Variants in GTF3C3 observed in about 807,000 individuals in gnomAD.
The protein encoded by GTF3C3 is general transcription factor 3C polypeptide 3.
In GTF3C3, 75 loss-of-function variants were observed where a neutral mutation model predicts 105.2. That is an observed-to-expected ratio of 0.71 (90% CI 0.59 to 0.86). The LOEUF (loss-of-function observed/expected upper bound fraction) is 0.86. Ranked by LOEUF, GTF3C3 falls within the 40% of genes least tolerant of loss-of-function variation. GTF3C3 has a pLI of 0.00. For missense variants in GTF3C3, 856 were observed against 1,076.5 expected, an observed-to-expected ratio of 0.80 and a Z score of 2.87; for synonymous variants, 335 against 370.4, an observed-to-expected ratio of 0.90 and a Z score of 1.10.
Position 196,776,370 on chromosome 2 carries a change from G to A in GTF3C3, c.1593+57C>T, listed in dbSNP as rs528171177. 18 of 1,404,626 alleles carry A rather than the reference G, an allele frequency of 1.3e-5. No homozygotes were observed. In the African/African-American group the frequency reaches 2.0e-4, roughly 16 times the overall value. The allele number at this position is 1,404,626 out of a possible 1,614,324, so 87.0% of individuals were successfully genotyped here. On this transcript the variant is annotated intron_variant, in intron 11 of 17. Transcript: ENST00000263956. This position sits in a 1 kb window ranked among gnomAD's most constrained non-coding sequence, Gnocchi z 4.5. ...CTATAGAGACATCCTTAATGGAGGAGAAAGTTCTAAAATATAATATACCAA... is the reference window on the plus strand; with the variant it reads ...CTATAGAGACATCCTTAATGGAGGAAAAAGTTCTAAAATATAATATACCAA...
intron 3 of GTF3C3, 83 bp from the exon 4 acceptor site, chr2:196,791,543 T>C: frequency 8.1e-7 from 1 of 1,230,086 alleles, no homozygotes; most frequent in Non-Finnish European, 1.1e-6. Context: ...AAATATAGCA[T>C]ATAATGAAAC....
At position 196,799,513 on chromosome 2, in the gene GTF3C3, C is replaced by T; in HGVS notation, c.99G>A (p.Lys33=). ...RRREERKTRE[K]KSLQEKGKLS... ...CCGTGGCCTAGCATCGCCTCACTTT[C>T]TTCTCGCGGGTTTTTCTCTCTTCTC... Residue 33 remains lysine (K), a synonymous_variant, in exon 1 of 18, where the codon AAG becomes AAA. Transcript: ENST00000263956. 2 of 1,613,438 alleles carry T rather than the reference C, an allele frequency of 1.2e-6. No homozygotes were observed. Among genetic ancestry groups the T allele is most frequent in the African/African-American group, 1.3e-5 (1 of 75,038 alleles).
rs1422396785 is a variant in GTF3C3, at chr2:196,785,459, C to G, written c.1023G>C (p.Gln341His). The G allele has an allele frequency of 6.2e-7, 1 of 1,605,494 alleles. No homozygotes were observed. The highest frequency in any genetic ancestry group is 1.3e-5 in the African/African-American group (1 of 74,632). Reference sequence around the variant, plus strand: ...TTCCTACCTCCAAAGCTTTGTCATACTGTTTGTTAGAAATATATAGTTCAG... The same window carrying G: ...TTCCTACCTCCAAAGCTTTGTCATAGTGTTTGTTAGAAATATATAGTTCAG... ...IAAELYISNK[Q>H]YDKALEIITD... The change falls in exon 7 of 18, where the codon CAG (glutamine) becomes CAC (histidine). Residue 341 changes from glutamine (Q) to histidine (H), a missense_variant. Gln to His is a conservative substitution (Grantham distance 24). This residue lies in a region of GTF3C3 where 605 missense variants were observed against 833.6 expected (regional missense o/e 0.73). Coordinates refer to ENST00000263956, the MANE Select transcript of GTF3C3 (RefSeq NM_012086.5).
chr2:196,781,355 A>ATATATATTATATATATATAT (rs1442698575), intron 8 of GTF3C3, among the ~76,000 whole-genome samples: 28 of 31,192 alleles, frequency 9.0e-4, no homozygotes, highest in Non-Finnish European at 1.5e-3. Context: ...AAAAAAAAAA[A>ATATATATTATATATATATAT]AAATATATAT....
At chr2:196,783,470 C>G (rs1053455595) in intron 8 of GTF3C3, among the ~76,000 whole-genome samples, 1 of 152,130 alleles carries the variant, frequency 6.6e-6, no homozygotes, top group Non-Finnish European at 1.5e-5. Context: ...GGCCTTGGCT[C>G]GTGCCTAAGC....
intron 5 of GTF3C3, among the ~76,000 whole-genome samples, chr2:196,789,618 C>G (rs924826685): frequency 6.6e-6 from 1 of 152,154 alleles, no homozygotes; most frequent in African/African-American, 2.4e-5. Context: ...CAAGGAACAG[C>G]TTAGAACCAA....
chr2:196,779,124 C>A, intron 9 of GTF3C3, 57 bp from the exon 10 acceptor site: 25 of 1,264,062 alleles, frequency 2.0e-5, no homozygotes, highest in Middle Eastern at 2.3e-4. Flanking sequence ...GCACATCTAT[C>A]TATAGCTTTT....
At chr2:196,788,155 T>G (rs1699484047) in intron 6 of GTF3C3, among the ~76,000 whole-genome samples, 1 of 152,240 alleles carries the variant, frequency 6.6e-6, no homozygotes, top group Non-Finnish European at 1.5e-5. Flanking sequence ...TAGGGTTGCC[T>G]TGCCTCAACA....
Position 196,776,197 on chromosome 2 carries a change from AC to A in GTF3C3, c.1594-87del. On this transcript the variant is annotated intron_variant, in intron 11 of 17. Coordinates refer to ENST00000263956, the MANE Select transcript of GTF3C3 (RefSeq NM_012086.5). The surrounding 1 kb of genome is among the most constrained non-coding windows in gnomAD (Gnocchi z 4.5). Reference sequence around the variant, plus strand: ...TTTGCATAGAAACATTTTTAAAAAAACAAACCATATTGCTTTATGGTCTTTC... The same window carrying A: ...TTTGCATAGAAACATTTTTAAAAAAAAAACCATATTGCTTTATGGTCTTTC... The A allele has an allele frequency of 1.2e-6, 1 of 804,352 alleles. No individual in the cohort carries two copies. The highest frequency in any genetic ancestry group is 1.9e-5 in the South Asian group (1 of 52,078). 49.8% of individuals were successfully genotyped at this position (804,352 alleles called of 1,614,324 possible). A position where few individuals can be genotyped will look rare whatever the true frequency, so the allele number is the denominator to read the frequency against.
chr2:196,771,144 G>A (rs1699168025), intron 15 of GTF3C3, among the ~76,000 whole-genome samples: 1 of 152,076 alleles, frequency 6.6e-6, no homozygotes, highest in Non-Finnish European at 1.5e-5. Context: ...GACTCTGCAA[G>A]TAATACTTGT....
intron 15 of GTF3C3, among the ~76,000 whole-genome samples, chr2:196,770,557 T>TC (rs1336080117): frequency 2.0e-5 from 3 of 152,214 alleles, no homozygotes; most frequent in Non-Finnish European, 4.4e-5. Context: ...GCTAAATGTA[T>TC]CCAATAACAG....
At chr2:196,781,896 C>G (rs1699372396) in intron 8 of GTF3C3, among the ~76,000 whole-genome samples, 1 of 152,196 alleles carries the variant, frequency 6.6e-6, no homozygotes, top group Non-Finnish European at 1.5e-5. Flanking sequence ...CTTCTGTAGA[C>G]AGTAGCTAAA....
At chr2:196,783,605 C>CA (rs1374596484) in intron 8 of GTF3C3, among the ~76,000 whole-genome samples, 1 of 152,154 alleles carries the variant, frequency 6.6e-6, no homozygotes, top group Non-Finnish European at 1.5e-5. Flanking sequence ...ACAGCCCCAA[C>CA]CACAGCCTGT....
chr2:196,793,979 A>G (rs944188186), intron 2 of GTF3C3, among the ~76,000 whole-genome samples: 3 of 152,126 alleles, frequency 2.0e-5, no homozygotes, highest in Non-Finnish European at 2.9e-5. Flanking sequence ...TTAATCCCCA[A>G]TGTGCGAATA....
intron 3 of GTF3C3, among the ~76,000 whole-genome samples, 183 bp downstream of exon 3, chr2:196,792,773 G>T (rs895539799): frequency 6.6e-6 from 1 of 151,942 alleles, no homozygotes; most frequent in African/African-American, 2.4e-5. Context: ...CACCATGCCC[G>T]GCTATAATTA....
chr2:196,766,576 G>C lies in GTF3C3; in HGVS notation c.2527C>G (p.Leu843Val), dbSNP rs749422263. The part of the protein sequence containing the change: ...YYQKALELPP[L>V]VVEGIELDQL... The stretch of plus-strand genomic sequence containing the variant: ...AAAATGCACAATACCTCTACCACAA[G>C]TGGAGGGAGCTCCAGGGCCTTCTGA... The change falls in exon 17 of 18, where the codon CTT becomes GTT. Residue 843 changes from leucine (L) to valine (V), a missense_variant. Leu to Val is a conservative substitution (Grantham distance 32). Coordinates refer to ENST00000263956, the MANE Select transcript of GTF3C3 (RefSeq NM_012086.5). 27 of 1,609,978 alleles carry C rather than the reference G, an allele frequency of 1.7e-5. No homozygotes were observed. Among genetic ancestry groups the C allele is most frequent in the Non-Finnish European group, 2.0e-5 (24 of 1,177,588 alleles).
intron 4 of GTF3C3, 142 bp downstream of exon 4, chr2:196,791,195 G>T: frequency 1.6e-6 from 1 of 626,230 alleles, no homozygotes; most frequent in South Asian, 3.1e-5. Context: ...TCATTTTCTT[G>T]TGAAAAGTGG....
intron 9 of GTF3C3, 145 bp downstream of exon 9, chr2:196,780,414 T>C: frequency 2.3e-6 from 3 of 1,302,892 alleles, no homozygotes; most frequent in Non-Finnish European, 3.0e-6. Flanking sequence ...AAGATATTCA[T>C]ACAAAATTAT....
intron 16 of GTF3C3, among the ~76,000 whole-genome samples, chr2:196,768,765 T>C (rs772977477): frequency 2.6e-5 from 4 of 152,170 alleles, no homozygotes; most frequent in Admixed American, 6.5e-5. Context: ...TAAAAGTAAT[T>C]TGAAATTTAG....
Sources: gnomAD v4.1 joint callset for allele counts (sites outside exome capture counted in the v4.1 genomes callset) on GRCh38, gnomAD v4.1.1 for gene constraint, gnomAD v4.1.1 regional missense constraint, Gnocchi (gnomAD v3.1) non-coding constraint, MANE v1.5 for transcripts, NCBI Gene and HGNC (gene_info 2026-07-23, HGNC 2026-07-21) for gene names.